SCD5: variants seen among roughly 807,000 people sequenced by gnomAD.
SCD5 encodes stearoyl-CoA desaturase 5, also known as acyl-CoA-desaturase 4.
Under a neutral mutation model 30.4 loss-of-function variants are expected in SCD5, and 20 were observed. The ratio of observed to expected loss-of-function variants is 0.66; its 90% CI spans 0.46 to 0.96. SCD5 has a LOEUF of 0.96. Among genes scored for constraint, SCD5 ranks in the 40% least tolerant of loss-of-function variants. The pLI is 0.00. For synonymous variants in SCD5, 173 were observed against 176.4 expected (o/e 0.98, Z 0.16); for missense variants, 381 against 443.3 (o/e 0.86, Z 1.26).
At chr4:82,699,018 G>C (rs1477649089) in intron 2 of SCD5, among the ~76,000 whole-genome samples, 36 of 152,166 alleles carry the variant, frequency 2.4e-4, no homozygotes, top group Non-Finnish European at 2.9e-5. Flanking sequence ...TGAATGAAAG[G>C]ATAAATGTGC....
chr4:82,795,730 G>A (rs1333612475), intron 1 of SCD5, among the ~76,000 whole-genome samples: 1 of 145,180 alleles, frequency 6.9e-6, no homozygotes, highest in African/African-American at 2.5e-5. Flanking sequence ...GCTGCGGTGG[G>A]AGCATTGCTT....
intron 3 of SCD5, among the ~76,000 whole-genome samples, chr4:82,665,748 C>T (rs747917650): frequency 2.0e-5 from 3 of 151,788 alleles, no homozygotes; most frequent in Non-Finnish European, 4.4e-5. Flanking sequence ...TACACACATA[C>T]AAAAATAAAG....
At chr4:82,779,627 A>G (rs939946389) in intron 1 of SCD5, among the ~76,000 whole-genome samples, 9 of 152,316 alleles carry the variant, frequency 5.9e-5, no homozygotes, top group African/African-American at 1.9e-4. Context: ...GATGCTAGGC[A>G]GGGCTCAGGA....
chr4:82,749,877 G>A (rs867534844), intron 1 of SCD5, among the ~76,000 whole-genome samples: 1 of 152,152 alleles, frequency 6.6e-6, no homozygotes, highest in Non-Finnish European at 1.5e-5. Flanking sequence ...TGAAATGACT[G>A]GGCTTTATAC....
In SCD5 at chr4:82,737,062, C is replaced by T. The variant is rs77326307; in HGVS notation, c.233-31649G>A. ...GGATGTAGTCTCAAACATATACTAG[C>T]TCAAAGGATATGATGTTCCATGGTT... On this transcript the variant is annotated intron_variant, in intron 1 of 4. Coordinates refer to ENST00000319540, the MANE Select transcript of SCD5 (RefSeq NM_001037582.3). 2.6e-5 allele frequency among the ~76,000 whole-genome samples: 4 copies of T among 152,182 alleles called. No individual in the cohort carries two copies. The East Asian group carries it at 7.7e-4, about 29-fold the overall frequency.
At chr4:82,785,759 T>C (rs1021211629) in intron 1 of SCD5, among the ~76,000 whole-genome samples, 1 of 152,150 alleles carries the variant, frequency 6.6e-6, no homozygotes, top group African/African-American at 2.4e-5. Flanking sequence ...CACTCTTCAA[T>C]TGCTACACAG....
chr4:82,768,555 G>A (rs773369902), intron 1 of SCD5, among the ~76,000 whole-genome samples: 1 of 152,146 alleles, frequency 6.6e-6, no homozygotes, highest in Non-Finnish European at 1.5e-5. Context: ...CAGAGCAAGA[G>A]TTATATGAAT....
chr4:82,678,958 T>C (rs542363544), intron 3 of SCD5, among the ~76,000 whole-genome samples: 11 of 152,016 alleles, frequency 7.2e-5, no homozygotes, highest in Non-Finnish European at 1.5e-4. Flanking sequence ...TCCCAGCACT[T>C]TGGGAGGCCG....
rs182978321 is a variant in SCD5 at position 82,665,546 on chromosome 4, C to A, written c.569+15161G>T. ...AAGGCATAAGACAAGGTACTGACAT[C>A]TTTAAAATACCAAGAGAAAAAACCT... On this transcript the variant is annotated intron_variant, in intron 3 of 4. Coordinates refer to ENST00000319540, the MANE Select transcript of SCD5 (RefSeq NM_001037582.3). Among the ~76,000 whole-genome samples the A allele has an allele frequency of 2.3e-4, 35 of 152,140 alleles. No individual in the cohort carries two copies. The East Asian group carries it at 5.2e-3, about 23-fold the overall frequency.
chr4:82,674,449 C>T (rs1728392715), intron 3 of SCD5, among the ~76,000 whole-genome samples: 1 of 152,098 alleles, frequency 6.6e-6, no homozygotes, highest in African/African-American at 2.4e-5. Flanking sequence ...TTAGAATGGC[C>T]AAAATCCAGA....
intron 4 of SCD5, among the ~76,000 whole-genome samples, chr4:82,634,651 G>A (rs1727386033): frequency 6.6e-6 from 1 of 152,208 alleles, no homozygotes; most frequent in African/African-American, 2.4e-5. Context: ...CTGTCTGGGA[G>A]TCCAGTGTTG....
At chr4:82,705,540 A>G (rs1719951983) in intron 1 of SCD5, 127 bp from the exon 2 acceptor site, 2 of 1,285,684 alleles carry the variant, frequency 1.6e-6, no homozygotes, top group Non-Finnish European at 2.1e-6. Flanking sequence ...CAACATGAAG[A>G]ATCAATAACT....
intron 1 of SCD5, among the ~76,000 whole-genome samples, chr4:82,721,665 C>T (rs60096152): frequency 3.9e-5 from 6 of 152,102 alleles, no homozygotes; most frequent in African/African-American, 7.2e-5. Flanking sequence ...CATCTATAAG[C>T]GAAGGAGAGA....
intron 1 of SCD5, among the ~76,000 whole-genome samples, chr4:82,720,441 T>TAAAAAA (rs1553917690): frequency 1.9e-4 from 15 of 77,866 alleles, no homozygotes; most frequent in South Asian, 1.0e-3. Context: ...AAGGCAAAAA[T>TAAAAAA]AAAAAAAAAA....
At chr4:82,797,494 C>T (rs893694184) in intron 1 of SCD5, among the ~76,000 whole-genome samples, 1 of 150,296 alleles carries the variant, frequency 6.7e-6, no homozygotes, top group Non-Finnish European at 1.5e-5. Context: ...TGGTCGGCGC[C>T]CGGGCTCCCT....
chr4:82,695,547 G>A (rs1361194196), intron 2 of SCD5, among the ~76,000 whole-genome samples: 2 of 152,200 alleles, frequency 1.3e-5, no homozygotes, highest in Non-Finnish European at 2.9e-5. Flanking sequence ...GCTAGGAGAA[G>A]AACAGAAGAA....
chr4:82,630,531 C>T lies in SCD5; in HGVS notation c.*796G>A, dbSNP rs1727262724. The T allele has an allele frequency of 6.6e-6, 1 of 152,240 alleles. No individual in the cohort carries two copies. The highest frequency in any genetic ancestry group is 2.4e-5 in the African/African-American group (1 of 41,468). The allele number at this position is 152,240 out of a possible 1,614,324, so 9.4% of individuals were successfully genotyped here. On this transcript the variant is annotated 3_prime_UTR_variant, in exon 5 of 5. Coordinates refer to ENST00000319540, the MANE Select transcript of SCD5 (RefSeq NM_001037582.3). ...CCTGAACTACACTGAAAGAATATTA[C>T]TTTCCTTCATCCTGTCAGGGTTAGC...
In SCD5 at chr4:82,715,325, G is replaced by A. The variant is rs551606145; in HGVS notation, c.233-9912C>T. Among the ~76,000 whole-genome samples the A allele has an allele frequency of 3.5e-4, 53 of 151,522 alleles. 1 individual carries two copies. The highest frequency in any genetic ancestry group is 3.4e-3 in the Middle Eastern group (1 of 294). On this transcript the variant is annotated intron_variant, in intron 1 of 4. Transcript: ENST00000319540. ...GTGATAATGAGCGGAAATGGAAGAC[G>A]TTGGGCTGAGTATTCTCCATGCACC...
At chr4:82,632,444 T>C (rs6853842) in intron 4 of SCD5, among the ~76,000 whole-genome samples, 40,333 of 151,980 alleles carry the variant, frequency 0.27, 6,390 homozygotes, top group African/African-American at 0.44. Flanking sequence ...CATTGATGGA[T>C]ATTTGGGTTG....
Sources: allele counts gnomAD v4.1 joint callset (sites outside exome capture counted in the v4.1 genomes callset), GRCh38; gene constraint gnomAD v4.1.1; transcripts MANE v1.5; gene names NCBI Gene and HGNC (gene_info 2026-07-23, HGNC 2026-07-21).